The following WWP1 variants were observed in gnomAD, a reference collection of about 807,000 sequenced individuals.
The protein encoded by WWP1 is NEDD4-like E3 ubiquitin-protein ligase WWP1.
A neutral mutation model predicts 130.6 loss-of-function variants in WWP1; 49 were observed. The ratio of observed to expected loss-of-function variants is 0.38; its 90% CI spans 0.30 to 0.48. The LOEUF is 0.48. Ranked by LOEUF, WWP1 falls within the 20% of genes least tolerant of loss-of-function variation. The pLI, the probability that WWP1 is intolerant of heterozygous loss-of-function variation, is 0.99. For synonymous variants in WWP1, 332 were observed against 367.8 expected (o/e 0.90, Z 1.11); for missense variants, 809 against 1,100.6 (o/e 0.74, Z 3.75).
chr8:86,398,684 T>C, intron 7 of WWP1, 46 bp downstream of exon 7: 2 of 1,587,954 alleles, frequency 1.3e-6, no homozygotes, highest in South Asian at 1.1e-5. Context: ...ATGTGGAACA[T>C]ATTTCCTGAA....
At chr8:86,438,910 C>CT (rs1314234466) in intron 17 of WWP1, among the ~76,000 whole-genome samples, 5 of 151,818 alleles carry the variant, frequency 3.3e-5, no homozygotes, top group Admixed American at 6.6e-5. Context: ...ATATTTGCTG[C>CT]TTTTTTTAAC....
chr8:86,361,585 A>C (rs1307509392), intron 1 of WWP1, among the ~76,000 whole-genome samples: 2 of 152,090 alleles, frequency 1.3e-5, no homozygotes, highest in Non-Finnish European at 2.9e-5. Context: ...ACCCTTCCTA[A>C]CAGAACTACT....
chr8:86,425,074 A>G (rs1934660321), intron 9 of WWP1, 149 bp from the exon 10 acceptor site: 1 of 501,526 alleles, frequency 2.0e-6, no homozygotes, highest in African/African-American at 1.9e-5. Context: ...CTGTATATAT[A>G]TATAATAGCC....
chr8:86,461,152 C>G, intron 22 of WWP1, 72 bp from the exon 23 acceptor site: 1 of 1,348,306 alleles, frequency 7.4e-7, no homozygotes, highest in South Asian at 1.2e-5. Flanking sequence ...TTAATTTCTT[C>G]AAGTGTCTAC....
chr8:86,450,364 A>T (rs1003324487), intron 20 of WWP1, among the ~76,000 whole-genome samples: 1 of 152,190 alleles, frequency 6.6e-6, no homozygotes, highest in Non-Finnish European at 1.5e-5. Flanking sequence ...TAGTTGGAAA[A>T]AAACAGTAAC....
intron 1 of WWP1, among the ~76,000 whole-genome samples, chr8:86,366,760 A>G (rs1823997426): frequency 6.6e-6 from 1 of 152,218 alleles, no homozygotes; most frequent in African/African-American, 2.4e-5. Flanking sequence ...GAGGTTTCCC[A>G]GGATGCAAGT....
chr8:86,378,810 C>T (rs1824817652), intron 3 of WWP1, among the ~76,000 whole-genome samples: 1 of 152,068 alleles, frequency 6.6e-6, no homozygotes, highest in Non-Finnish European at 1.5e-5. Context: ...GTAATGAACT[C>T]AGAGAAGAGT....
chr8:86,431,004 TTA>T (rs1346038817), intron 12 of WWP1, among the ~76,000 whole-genome samples: 1 of 138,712 alleles, frequency 7.2e-6, no homozygotes, highest in Non-Finnish European at 1.5e-5. Flanking sequence ...ATTAAATATA[TTA>T]TATATTATAA....
At chr8:86,411,353 C>T (rs1354779477) in intron 8 of WWP1, among the ~76,000 whole-genome samples, 185 bp from the exon 9 acceptor site, 1 of 151,980 alleles carries the variant, frequency 6.6e-6, no homozygotes, top group African/African-American at 2.4e-5. Context: ...TTTTGAGCAA[C>T]AAAAATAAAA....
In WWP1 at chr8:86,402,152, A is replaced by C. The variant is rs149685038; in HGVS notation, c.673A>C (p.Lys225Gln). The change falls in exon 8 of 25, where the codon AAA (lysine) becomes CAA (glutamine). Residue 225 changes from lysine (K) to glutamine (Q), a missense_variant. Coordinates refer to ENST00000517970, the MANE Select transcript of WWP1 (RefSeq NM_007013.4). Reference protein sequence around the residue: ...SSPSQVAARPKNTPAPKPLAS... With the variant: ...SSPSQVAARPQNTPAPKPLAS... ...TCCGTCTCAGGTTGCTGCCAGACCC[A>C]AAAATACACCAGCTCCAAAACCACT... 1.3e-5 allele frequency: 21 copies of C among 1,613,920 alleles called. No individual in the cohort carries two copies. Among genetic ancestry groups the C allele is most frequent in the Non-Finnish European group, 1.7e-5 (20 of 1,179,966 alleles).
chr8:86,437,290 G>A (rs921387561), intron 16 of WWP1, among the ~76,000 whole-genome samples: 3 of 152,108 alleles, frequency 2.0e-5, no homozygotes, highest in African/African-American at 7.2e-5. Context: ...TGAAAATTTG[G>A]TATACGTATT....
At chr8:86,417,477 G>A (rs1036845305) in intron 9 of WWP1, among the ~76,000 whole-genome samples, 7 of 152,134 alleles carry the variant, frequency 4.6e-5, no homozygotes, top group Admixed American at 4.6e-4. Flanking sequence ...GTTCTGTGTA[G>A]CAAGAAATTT....
intron 5 of WWP1, among the ~76,000 whole-genome samples, chr8:86,395,061 C>T (rs1384595362): frequency 6.6e-6 from 1 of 151,884 alleles, no homozygotes; most frequent in Non-Finnish European, 1.5e-5. Context: ...TGGCTAATAG[C>T]CAGAGAAGGG....
chr8:86,392,811 T>C (rs1303075234), intron 5 of WWP1, among the ~76,000 whole-genome samples: 1 of 152,248 alleles, frequency 6.6e-6, no homozygotes, highest in Admixed American at 6.5e-5. Flanking sequence ...AAACAGTATT[T>C]TCACATTCAA....
chr8:86,419,601 A>G (rs941321692), intron 9 of WWP1, among the ~76,000 whole-genome samples: 7 of 152,360 alleles, frequency 4.6e-5, no homozygotes, highest in East Asian at 1.9e-4. Flanking sequence ...ACAGTAACAC[A>G]TAAGGACCAG....
At chr8:86,375,301 A>C (rs983634329) in intron 3 of WWP1, among the ~76,000 whole-genome samples, 1 of 151,298 alleles carries the variant, frequency 6.6e-6, no homozygotes, top group Non-Finnish European at 1.5e-5. Flanking sequence ...CATCGTTTTC[A>C]GTTTTTTTTT....
In WWP1 at chr8:86,468,443, A is replaced by T. The variant is rs781727642; in HGVS notation, c.*1550A>T. 1 of 438,222 alleles carries T rather than the reference A, an allele frequency of 2.3e-6. No individual in the cohort carries two copies. Among genetic ancestry groups the T allele is most frequent in the South Asian group, 1.7e-5 (1 of 60,100 alleles). The allele number at this position is 438,222 out of a possible 1,614,324, so 27.1% of individuals were successfully genotyped here. A position where few individuals can be genotyped will look rare whatever the true frequency, so the allele number is the denominator to read the frequency against. ...TCAAGCCTAAAGAATTAAAAAAAAAATTCTAATGTATGTGACAGGTTATGT... is the reference window on the plus strand; with the variant it reads ...TCAAGCCTAAAGAATTAAAAAAAAATTTCTAATGTATGTGACAGGTTATGT... On this transcript the variant is annotated 3_prime_UTR_variant, in exon 25 of 25. Coordinates refer to ENST00000517970, the MANE Select transcript of WWP1 (RefSeq NM_007013.4).
intron 5 of WWP1, among the ~76,000 whole-genome samples, chr8:86,385,212 G>A (rs1586316860): frequency 6.6e-6 from 1 of 152,192 alleles, no homozygotes; most frequent in Non-Finnish European, 1.5e-5. Flanking sequence ...TATAGAAAAT[G>A]TTTGATAGTC....
intron 10 of WWP1, 30 bp from the exon 11 acceptor site, chr8:86,427,613 T>C (rs1809705780): frequency 6.5e-7 from 1 of 1,537,406 alleles, no homozygotes; most frequent in African/African-American, 1.4e-5. Context: ...TATTGAGAGA[T>C]TATTGTTTAT....
Sources: allele counts gnomAD v4.1 joint callset (sites outside exome capture counted in the v4.1 genomes callset), GRCh38; gene constraint gnomAD v4.1.1; transcripts MANE v1.5; gene names NCBI Gene and HGNC (gene_info 2026-07-23, HGNC 2026-07-21).